ADGRV1: variants seen among roughly 807,000 people sequenced by gnomAD.
The protein encoded by ADGRV1 is G-protein coupled receptor 98.
Under a neutral mutation model 596.2 loss-of-function variants are expected in ADGRV1, and 359 were observed. The ratio of observed to expected loss-of-function variants is 0.60; its 90% CI spans 0.55 to 0.66. The LOEUF (loss-of-function observed/expected upper bound fraction) is 0.66, where lower values mean the gene tolerates loss of function less well. ADGRV1 is among the 30% of genes least tolerant of loss of function. ADGRV1 has a pLI of 0.00. For missense variants in ADGRV1, 7,274 were observed against 7,575.6 expected (o/e 0.96, Z 1.48); for synonymous variants, 2,681 against 2,679.2 (o/e 1.00, Z -0.02).
At position 90,777,892 on chromosome 5, in the gene ADGRV1, T is replaced by C; in HGVS notation, c.12528-13T>C. Reference sequence around the variant, plus strand: ...CTGAAATGTATTGGATATACATTTGTTTATTGTTGTAGCCTTGTTCGAGGC... The same window carrying C: ...CTGAAATGTATTGGATATACATTTGCTTATTGTTGTAGCCTTGTTCGAGGC... On this transcript the variant is annotated splice_polypyrimidine_tract_variant and intron_variant, in intron 61 of 89. Coordinates refer to ENST00000405460, the MANE Select transcript of ADGRV1 (RefSeq NM_032119.4). 1.3e-6 allele frequency: 2 copies of C among 1,594,916 alleles called. No homozygotes were observed. Among genetic ancestry groups the C allele is most frequent in the Non-Finnish European group, 1.7e-6 (2 of 1,166,538 alleles).
chr5:90,651,360 A>G (rs1204495527), intron 17 of ADGRV1, among the ~76,000 whole-genome samples: 1 of 151,732 alleles, frequency 6.6e-6, no homozygotes, highest in Non-Finnish European at 1.5e-5. Flanking sequence ...GAACTATTTC[A>G]TCTTGAAATT....
chr5:90,743,073 G>C lies in ADGRV1; in HGVS notation c.10550-1973G>C, dbSNP rs16869072. Among the ~76,000 whole-genome samples the C allele has an allele frequency of 5.5e-3, 842 of 152,226 alleles. 4 individuals carry two copies. Among genetic ancestry groups the C allele is most frequent in the Non-Finnish European group, 7.9e-3 (538 of 68,022 alleles). The stretch of plus-strand genomic sequence containing the variant: ...GTTTGCTGATATACATTGGAAGTCC[G>C]TGAGTACAGAAGGTCATTTTACTAC... On this transcript the variant is annotated intron_variant, in intron 50 of 89. Coordinates refer to ENST00000405460, the MANE Select transcript of ADGRV1 (RefSeq NM_032119.4).
In ADGRV1 at chr5:90,777,974, G is replaced by A. The variant is rs1022897810; in HGVS notation, c.12597G>A (p.Gly4199=). 1.2e-6 allele frequency: 2 copies of A among 1,609,340 alleles called. No homozygotes were observed. Among genetic ancestry groups the A allele is most frequent in the Admixed American group, 1.7e-5 (1 of 59,394 alleles). ...GGAGGATATTCCCTCCTTCCGTGGG[G>A]GAATTTGCTGAAACATCAGGAAAAC... ...VFWRIFPPSV[G]EFAETSGKLT... The change falls in exon 62 of 90, where the codon GGG becomes GGA. Residue 4199 remains glycine (G), a synonymous_variant. Transcript: ENST00000405460.
At chr5:90,949,976 A>G (rs1385745130) in intron 83 of ADGRV1, among the ~76,000 whole-genome samples, 1 of 152,198 alleles carries the variant, frequency 6.6e-6, no homozygotes, top group Admixed American at 6.5e-5. Flanking sequence ...CATGTTAAAC[A>G]TGAACTTTGT....
chr5:90,952,576 A>G (rs1460106337), intron 83 of ADGRV1, among the ~76,000 whole-genome samples: 1 of 152,168 alleles, frequency 6.6e-6, no homozygotes, highest in Non-Finnish European at 1.5e-5. Flanking sequence ...GACATGTAAT[A>G]TGATTAAAGT....
intron 33 of ADGRV1, among the ~76,000 whole-genome samples, chr5:90,695,865 C>T (rs957609044): frequency 3.3e-5 from 5 of 151,570 alleles, no homozygotes; most frequent in East Asian, 1.9e-4. Flanking sequence ...GAAAATGTGA[C>T]GAGGAGGGAG....
At chr5:90,615,157 T>C (rs973902526) in intron 2 of ADGRV1, 138 bp downstream of exon 2, 2 of 567,770 alleles carry the variant, frequency 3.5e-6, no homozygotes, top group Admixed American at 3.5e-5. Flanking sequence ...CAGATAATGC[T>C]ATTCCATTTT....
intron 25 of ADGRV1, 42 bp from the exon 26 acceptor site, chr5:90,679,507 A>G (rs777595799): frequency 1.4e-6 from 2 of 1,408,444 alleles, no homozygotes; most frequent in Middle Eastern, 1.8e-4. Flanking sequence ...CATTGTGTCA[A>G]TGTGTGTTGT....
At chr5:90,620,297 C>T (rs1443635482) in intron 4 of ADGRV1, among the ~76,000 whole-genome samples, 1 of 152,088 alleles carries the variant, frequency 6.6e-6, no homozygotes, top group Non-Finnish European at 1.5e-5. Context: ...GCCATTCTAA[C>T]TGGTGTGAGA....
intron 83 of ADGRV1, among the ~76,000 whole-genome samples, chr5:90,901,305 C>T (rs1442469676): frequency 3.9e-5 from 6 of 152,096 alleles, no homozygotes; most frequent in Non-Finnish European, 8.8e-5. Context: ...CATCTTAGTC[C>T]TGACCTTACT....
chr5:91,085,183 CA>C (rs1789755048), intron 86 of ADGRV1, among the ~76,000 whole-genome samples: 1 of 152,138 alleles, frequency 6.6e-6, no homozygotes, highest in South Asian at 2.1e-4. Flanking sequence ...ACCTATGTAA[CA>C]AACCTGCACG....
At chr5:90,866,575 C>T (rs1297541645) in intron 83 of ADGRV1, among the ~76,000 whole-genome samples, 1 of 151,974 alleles carries the variant, frequency 6.6e-6, no homozygotes, top group African/African-American at 2.4e-5. Flanking sequence ...CATAGTACTT[C>T]TTTAACTGGG....
At position 90,674,244 on chromosome 5, in the gene ADGRV1, T is replaced by G; in HGVS notation, c.5110+10T>G. 1.3e-6 allele frequency: 2 copies of G among 1,551,000 alleles called. No individual in the cohort carries two copies. Among genetic ancestry groups the G allele is most frequent in the Non-Finnish European group, 1.7e-6 (2 of 1,150,882 alleles). ...AGTGATCATCCATATGGTAACCTGC[T>G]CCTTTTGCAAGAAAAATCCTCTCTT... On this transcript the variant is annotated intron_variant, in intron 23 of 89. Transcript: ENST00000405460.
chr5:90,965,003 T>C (rs1013834962), intron 83 of ADGRV1, among the ~76,000 whole-genome samples: 1 of 152,208 alleles, frequency 6.6e-6, no homozygotes, highest in African/African-American at 2.4e-5. Flanking sequence ...GGCAAGAGGC[T>C]GCAGGTGATG....
At chr5:90,921,363 T>C (rs760421796) in intron 83 of ADGRV1, among the ~76,000 whole-genome samples, 1 of 152,184 alleles carries the variant, frequency 6.6e-6, no homozygotes, top group African/African-American at 2.4e-5. Flanking sequence ...GGGGGTCTTG[T>C]AATTGACTGC....
chr5:90,566,860 A>T (rs1755702432), intron 1 of ADGRV1, among the ~76,000 whole-genome samples: 1 of 152,152 alleles, frequency 6.6e-6, no homozygotes, highest in Non-Finnish European at 1.5e-5. Context: ...GCTGAATAGA[A>T]ATAATGAGAG....
Position 90,689,976 on chromosome 5 carries a change from T to A in ADGRV1, c.6606T>A (p.Leu2202=). 6.2e-7 allele frequency: 1 copy of A among 1,610,002 alleles called. No homozygotes were observed. The highest frequency in any genetic ancestry group is 2.2e-5 in the East Asian group (1 of 44,804). Residue 2202 remains leucine (L), a synonymous_variant, in exon 30 of 90, where the codon CTT becomes CTA. Coordinates refer to ENST00000405460, the MANE Select transcript of ADGRV1 (RefSeq NM_032119.4). ...ATCCTGAACTGGAAGAATCTTTTCT[T>A]GTGCAACTGATGAATGAAACAACAG... ...DIYPELEESF[L]VQLMNETTGG... is the part of the protein sequence containing the mutation.
chr5:90,715,282 C>G (rs1374789878), intron 42 of ADGRV1, among the ~76,000 whole-genome samples: 1 of 152,216 alleles, frequency 6.6e-6, no homozygotes, highest in East Asian at 1.9e-4. Flanking sequence ...GCAACTGACA[C>G]TCAGTCCTGC....
intron 86 of ADGRV1, among the ~76,000 whole-genome samples, chr5:91,090,471 T>C (rs1790291861): frequency 6.6e-6 from 1 of 152,140 alleles, no homozygotes; most frequent in Non-Finnish European, 1.5e-5. Flanking sequence ...GACTGTCTTT[T>C]AGCATCCAGG....
Sources: gnomAD v4.1 joint callset for allele counts (sites outside exome capture counted in the v4.1 genomes callset) on GRCh38, gnomAD v4.1.1 for gene constraint, MANE v1.5 for transcripts, NCBI Gene and HGNC (gene_info 2026-07-23, HGNC 2026-07-21) for gene names.